Variants in LBR observed in about 807,000 individuals in gnomAD.
LBR encodes the protein lamin B receptor, also known as delta(14)-sterol reductase LBR.
In LBR, 28 loss-of-function variants were observed where a neutral mutation model predicts 74.3. The observed-to-expected ratio is 0.38, with a 90% CI of 0.28 to 0.52. The LOEUF is 0.52. LBR is among the 20% of genes least tolerant of loss of function. The probability of loss-of-function intolerance (pLI) is 0.89; values close to 1 mark genes in which losing one functional copy is unlikely to be tolerated. For synonymous variants in LBR, 228 were observed against 269.3 expected, an observed-to-expected ratio of 0.85 and a Z score of 1.50; for missense variants, 717 against 760.3, an observed-to-expected ratio of 0.94 and a Z score of 0.67.
chr1:225,419,334 T>C lies in LBR; in HGVS notation c.569A>G (p.Lys190Arg), dbSNP rs754133766. The C allele has an allele frequency of 3.1e-6, 5 of 1,614,104 alleles. No homozygotes were observed. Among genetic ancestry groups the C allele is most frequent in the Non-Finnish European group, 4.2e-6 (5 of 1,180,052 alleles). Residue 190 changes from lysine (K) to arginine (R), a missense_variant, in exon 5 of 14, where the codon AAA becomes AGA. Lys to Arg is a conservative substitution (Grantham distance 26). Transcript: ENST00000272163. ...TTCAAAGGTTCTCACTGCCAGTTCT[T>C]TTGCAACGTATTTTTCTTCCTTAGA... is the stretch of plus-strand genomic sequence containing the variant. The part of the protein sequence containing the change: ...IDSKEEKYVA[K>R]ELAVRTFEVT...
chr1:225,422,565 T>C (rs2096129786), intron 2 of LBR: 1 of 398,258 alleles, frequency 2.5e-6, no homozygotes, highest in African/African-American at 2.0e-5. Context: ...CAACACCATA[T>C]GCAAGAAGGG....
At chr1:225,421,546 AT>A (rs1204966316) in intron 3 of LBR, among the ~76,000 whole-genome samples, 1 of 152,264 alleles carries the variant, frequency 6.6e-6, no homozygotes, top group Non-Finnish European at 1.5e-5. Flanking sequence ...TGAATAGAAG[AT>A]TACTTTTATT....
chr1:225,422,059 A>G lies in LBR; in HGVS notation c.366+18T>C. 6.2e-7 allele frequency: 1 copy of G among 1,610,814 alleles called. No individual in the cohort carries two copies. Among genetic ancestry groups the G allele is most frequent in the Non-Finnish European group, 8.5e-7 (1 of 1,177,468 alleles). On this transcript the variant is annotated intron_variant, in intron 3 of 13. Coordinates refer to ENST00000272163, the MANE Select transcript of LBR (RefSeq NM_002296.4). ...TAAAGCGGAAGACAAAAGGCTGTAT[A>G]AGGATAAACACAAGTACCAGAATCA... is the stretch of plus-strand genomic sequence containing the variant.
intron 13 of LBR, among the ~76,000 whole-genome samples, chr1:225,403,970 T>G (rs2096086357): frequency 7.5e-6 from 1 of 133,860 alleles, no homozygotes; most frequent in Admixed American, 7.8e-5. Context: ...ACACCCCAGC[T>G]CCCCAAGCAC....
intron 1 of LBR, among the ~76,000 whole-genome samples, chr1:225,425,900 T>TG (rs1173001796): frequency 6.6e-6 from 1 of 152,222 alleles, no homozygotes; most frequent in Non-Finnish European, 1.5e-5. Flanking sequence ...AAAAGACCCT[T>TG]GAACAGTTTC....
At chr1:225,426,154 T>G (rs528403892) in intron 1 of LBR, among the ~76,000 whole-genome samples, 1 of 152,380 alleles carries the variant, frequency 6.6e-6, no homozygotes, top group Non-Finnish European at 1.5e-5. Context: ...AGAAGACCAT[T>G]ATCTTATACA....
In LBR at chr1:225,424,419, T is replaced by G. The variant is rs1353529650; in HGVS notation, c.-14-330A>C. Among the ~76,000 whole-genome samples, 4 of 152,268 alleles carry G rather than the reference T, an allele frequency of 2.6e-5. No individual in the cohort carries two copies. The East Asian group carries it at 7.7e-4, about 29-fold the overall frequency. The stretch of plus-strand genomic sequence containing the variant: ...CACAAAGAACACATTTTCTCATTTG[T>G]AAATTTGCGTATCAATTTACAATGG... On this transcript the variant is annotated intron_variant, in intron 1 of 13. Transcript: ENST00000272163.
intron 1 of LBR, among the ~76,000 whole-genome samples, chr1:225,426,670 G>A (rs910281512): frequency 6.6e-6 from 1 of 152,192 alleles, no homozygotes; most frequent in African/African-American, 2.4e-5. Context: ...CATAGAGCAA[G>A]ACGCTCGAAT....
chr1:225,424,204 T>C (rs1389881814), intron 1 of LBR, 115 bp from the exon 2 acceptor site: 4 of 843,872 alleles, frequency 4.7e-6, no homozygotes, highest in Non-Finnish European at 6.1e-6. Flanking sequence ...GTCAGGATTT[T>C]AGGGCCAGAA....
intron 10 of LBR, among the ~76,000 whole-genome samples, chr1:225,408,711 C>T (rs932890432): frequency 2.0e-4 from 30 of 152,268 alleles, no homozygotes; most frequent in African/African-American, 7.2e-4. Context: ...GGCTGAGATA[C>T]TGAGAACAGA....
rs766096390 is a variant in LBR at position 225,424,127 on chromosome 1, T to C, written c.-14-38A>G. On this transcript the variant is annotated intron_variant, in intron 1 of 13. Coordinates refer to ENST00000272163, the MANE Select transcript of LBR (RefSeq NM_002296.4). Reference sequence around the variant, plus strand: ...AAAGAAAAAAATTTGAGTCAATACATACACATTTATGTATTCGTCTTTTTC... The same window carrying C: ...AAAGAAAAAAATTTGAGTCAATACACACACATTTATGTATTCGTCTTTTTC... The C allele has an allele frequency of 5.6e-6, 8 of 1,430,968 alleles. No homozygotes were observed. The South Asian group carries it at 8.0e-5, about 14-fold the overall frequency. 88.6% of individuals were successfully genotyped at this position (1,430,968 alleles called of 1,614,324 possible).
chr1:225,419,688 C>T, intron 4 of LBR, 27 bp downstream of exon 4: 2 of 1,517,950 alleles, frequency 1.3e-6, no homozygotes, highest in Non-Finnish European at 1.8e-6. Context: ...AAAAAAACAA[C>T]CAAGATGAAA....
In LBR at chr1:225,412,593, C is replaced by T. The variant is rs760273181; in HGVS notation, c.945G>A (p.Gln315=). 1 of 1,613,076 alleles carries T rather than the reference C, an allele frequency of 6.2e-7. No homozygotes were observed. The highest frequency in any genetic ancestry group is 2.2e-5 in the East Asian group (1 of 44,860). ...TGTACACGTAATGAAACTCTACGCCCTGGAAGAGAGATGTTCCGATGACTG... is the reference window on the plus strand; with the variant it reads ...TGTACACGTAATGAAACTCTACGCCTTGGAAGAGAGATGTTCCGATGACTG... The part of the protein sequence containing the change: ...TSAVIGTSLF[Q]GVEFHYVYSH... Residue 315 remains glutamine (Q), a synonymous_variant, in exon 8 of 14, where the codon CAG becomes CAA. Transcript: ENST00000272163.
At position 225,416,334 on chromosome 1, in the gene LBR, C is replaced by T. The variant is rs111291115; in HGVS notation, c.838-1002G>A. Among the ~76,000 whole-genome samples, 323 of 152,314 alleles carry T rather than the reference C, an allele frequency of 2.1e-3. 1 individual carries two copies. The highest frequency in any genetic ancestry group is 7.4e-3 in the African/African-American group (306 of 41,566). On this transcript the variant is annotated intron_variant, in intron 6 of 13. Transcript: ENST00000272163. Reference sequence around the variant, plus strand: ...CCCACAGGCATGGTACCCAATAGAACTGGCTCAGTAAAAAGTCCACTTGCT... The same window carrying T: ...CCCACAGGCATGGTACCCAATAGAATTGGCTCAGTAAAAAGTCCACTTGCT...
intron 8 of LBR, among the ~76,000 whole-genome samples, chr1:225,411,795 C>G (rs2096106309): frequency 6.6e-6 from 1 of 152,214 alleles, no homozygotes; most frequent in Non-Finnish European, 1.5e-5. Context: ...TTTGTAACCT[C>G]TCGTTTCTCT....
At chr1:225,414,592 C>T (rs1558653975) in intron 7 of LBR, among the ~76,000 whole-genome samples, 1 of 152,328 alleles carries the variant, frequency 6.6e-6, no homozygotes, top group South Asian at 2.1e-4. Flanking sequence ...GCCCAGCAAG[C>T]TCACAACTCA....
At chr1:225,424,184 G>A (rs921477111) in intron 1 of LBR, 95 bp from the exon 2 acceptor site, 6 of 956,642 alleles carry the variant, frequency 6.3e-6, no homozygotes, top group Non-Finnish European at 1.0e-5. Context: ...CAACTTTCCA[G>A]AATTGACTGG....
Position 225,404,623 on chromosome 1 carries a change from T to C in LBR, c.1564+3A>G. 3 of 1,605,620 alleles carry C rather than the reference T, an allele frequency of 1.9e-6. No individual in the cohort carries two copies. Among genetic ancestry groups the C allele is most frequent in the Non-Finnish European group, 2.6e-6 (3 of 1,173,874 alleles). On this transcript the variant is annotated splice_donor_region_variant and intron_variant, in intron 12 of 13. Transcript: ENST00000272163. ...TATAATATAAACATAAATCAATACT[T>C]ACGTGCAAGCTTTGGATCACTGGGA...
chr1:225,414,260 G>GAAC (rs1183245950), intron 7 of LBR: 5 of 407,986 alleles, frequency 1.2e-5, no homozygotes, highest in South Asian at 8.9e-5. Flanking sequence ...ACTATCTTTG[G>GAAC]CTTCCCCTTT....
Sources: gnomAD v4.1 joint callset for allele counts (sites outside exome capture counted in the v4.1 genomes callset) on GRCh38, gnomAD v4.1.1 for gene constraint, MANE v1.5 for transcripts, NCBI Gene and HGNC (gene_info 2026-07-23, HGNC 2026-07-21) for gene names.